The following BMX variants were observed in gnomAD, a reference collection of about 807,000 sequenced individuals.
The protein encoded by BMX is cytoplasmic tyrosine-protein kinase BMX.
BMX carries 31 observed loss-of-function variants against 59.2 expected under a neutral mutation model. The observed-to-expected ratio is 0.52, with a 90% CI of 0.39 to 0.71. The LOEUF is 0.71. Ranked by LOEUF, BMX falls within the 30% of genes least tolerant of loss-of-function variation. The probability of loss-of-function intolerance (pLI) is 0.00; values close to 1 mark genes in which losing one functional copy is unlikely to be tolerated. For synonymous variants in BMX, 185 were observed against 181.0 expected (o/e 1.02, Z -0.18); for missense variants, 474 against 491.7 (o/e 0.96, Z 0.34).
At chrX:15,507,481 C>A in intron 1 of BMX, 3 of 484,116 alleles carry the variant, frequency 6.2e-6, no homozygotes, top group Non-Finnish European at 7.6e-6. Context: ...AATAACGATG[C>A]AATTTCACAA....
intron 7 of BMX, among the ~76,000 whole-genome samples, chrX:15,523,552 G>C (rs912806370): frequency 9.0e-6 from 1 of 111,353 alleles, no homozygotes; most frequent in African/African-American, 3.3e-5. Flanking sequence ...TTCCAAAGTG[G>C]AGCTAGAATC....
chrX:15,536,559 G>A (rs1601654897), intron 13 of BMX, 132 bp downstream of exon 13: 2 of 479,036 alleles, frequency 4.2e-6, no homozygotes, highest in Non-Finnish European at 6.4e-6. Context: ...GATTGTATCA[G>A]GAAGGATTTT....
At chrX:15,555,985 G>T (rs1926417077) in intron 18 of BMX, 88 bp from the exon 19 acceptor site, 2 of 919,001 alleles carry the variant, frequency 2.2e-6, no homozygotes, top group Non-Finnish European at 3.0e-6. Context: ...GCTAGCTTTA[G>T]GACTTAGATG....
chrX:15,518,395 C>A (rs1006046501), intron 6 of BMX, among the ~76,000 whole-genome samples: 2 of 111,524 alleles, frequency 1.8e-5, no homozygotes, highest in African/African-American at 6.5e-5. Context: ...TGAAATGAAA[C>A]TCTATAGGAC....
chrX:15,512,497 T>C (rs1213738405), intron 4 of BMX, among the ~76,000 whole-genome samples: 1 of 111,599 alleles, frequency 9.0e-6, no homozygotes, highest in African/African-American at 3.3e-5. Context: ...CATAAAAAGG[T>C]TTAGCAACCC....
chrX:15,536,449 C>A, intron 13 of BMX, 22 bp downstream of exon 13: 1 of 1,115,806 alleles, frequency 9.0e-7, no homozygotes, highest in South Asian at 2.1e-5. Flanking sequence ...TACTTGGGTT[C>A]TTAAACTCCA....
intron 11 of BMX, among the ~76,000 whole-genome samples, chrX:15,532,133 A>G (rs1925105188): frequency 9.0e-6 from 1 of 111,261 alleles, no homozygotes; most frequent in Admixed American, 9.6e-5. Flanking sequence ...CATAGTAAGC[A>G]CTTAATAAAC....
At chrX:15,533,325 T>C (rs1476813355) in intron 11 of BMX, among the ~76,000 whole-genome samples, 1 of 111,826 alleles carries the variant, frequency 8.9e-6, no homozygotes, top group East Asian at 2.8e-4. Context: ...AGTTATTTTT[T>C]CTGCTCTTCT....
Position 15,527,247 on chromosome X carries a change from A to AAAT in BMX, c.884+1153_884+1154insATA, listed in dbSNP as rs1569224683. On this transcript the variant is annotated intron_variant, in intron 9 of 18. Transcript: ENST00000348343. ...ACAAACACACACACACACACACACA[A>AAAT]ATATATATATATATATATATATATA... Among the ~76,000 whole-genome samples, 131 of 56,310 alleles carry AAAT rather than the reference A, an allele frequency of 2.3e-3. 1 individual carries two copies. The highest frequency in any genetic ancestry group is 3.1e-3 in the Non-Finnish European group (105 of 34,096). 48.9% of individuals were successfully genotyped at this position (56,310 alleles called of 115,157 possible).
chrX:15,549,735 C>T lies in BMX; in HGVS notation c.1796-105C>T, dbSNP rs1569231637. The T allele has an allele frequency of 8.3e-6, 8 of 961,062 alleles. No homozygotes were observed. In the East Asian group the frequency reaches 2.2e-4, roughly 27 times the overall value. 79.2% of individuals were successfully genotyped at this position (961,062 alleles called of 1,213,427 possible). On this transcript the variant is annotated intron_variant, in intron 17 of 18. Transcript: ENST00000348343. ...TTCCCAGGGATCCCTCACTCTGACC[C>T]ATAGCCTTCCTGACCTGTTGTGTGA...
chrX:15,545,456 G>A (rs1159082485), intron 16 of BMX, among the ~76,000 whole-genome samples: 1 of 112,585 alleles, frequency 8.9e-6, no homozygotes, highest in Non-Finnish European at 1.9e-5. Context: ...TAGCCTGCCA[G>A]CACTTGGGAG....
chrX:15,518,508 G>A (rs1030308320), intron 6 of BMX, among the ~76,000 whole-genome samples: 3 of 111,865 alleles, frequency 2.7e-5, no homozygotes, highest in Non-Finnish European at 3.8e-5. Flanking sequence ...AAATTCCATA[G>A]TTTTGCAGTC....
chrX:15,537,143 A>C lies in BMX; in HGVS notation c.1232A>C (p.Glu411Ala). ...DSVSLGNGIW[E>A]LKREEITLLK... Reference sequence around the variant, plus strand: ...CGTCTTGCCTTGTTAGGAATCTGGGAACTGAAAAGAGAAGAGATTACCTTG... The same window carrying C: ...CGTCTTGCCTTGTTAGGAATCTGGGCACTGAAAAGAGAAGAGATTACCTTG... Residue 411 changes from glutamate (E) to alanine (A), a missense_variant, in exon 14 of 19, where the codon GAA becomes GCA. By Grantham distance (107) the Glu-to-Ala change is moderately radical. Coordinates refer to ENST00000348343, the MANE Select transcript of BMX (RefSeq NM_203281.3). The C allele has an allele frequency of 8.3e-7, 1 of 1,210,829 alleles. No individual in the cohort carries two copies. The highest frequency in any genetic ancestry group is 1.1e-6 in the Non-Finnish European group (1 of 895,092).
At chrX:15,554,391 G>A (rs1926331365) in intron 18 of BMX, among the ~76,000 whole-genome samples, 1 of 111,367 alleles carries the variant, frequency 9.0e-6, no homozygotes, top group Non-Finnish European at 1.9e-5. Flanking sequence ...ACGTTTTTAA[G>A]GGTCATTTTG....
At chrX:15,513,331 C>A (rs370363905) in intron 4 of BMX, among the ~76,000 whole-genome samples, 1 of 111,938 alleles carries the variant, frequency 8.9e-6, no homozygotes, top group African/African-American at 3.3e-5. Flanking sequence ...GCTTATGTCA[C>A]ATCATCCAGA....
chrX:15,544,310 C>A (rs1193149546), intron 16 of BMX, among the ~76,000 whole-genome samples: 1 of 110,203 alleles, frequency 9.1e-6, no homozygotes, highest in Admixed American at 9.7e-5. Flanking sequence ...TAAATATTGG[C>A]AAGATGTCCT....
chrX:15,511,656 C>A, intron 4 of BMX, 138 bp downstream of exon 4: 2 of 499,992 alleles, frequency 4.0e-6, no homozygotes, highest in Non-Finnish European at 6.6e-6. Context: ...ATTTTCCTAC[C>A]AACCTCAGGG....
chrX:15,510,505 A>G (rs1406266995), intron 3 of BMX, among the ~76,000 whole-genome samples: 1 of 111,065 alleles, frequency 9.0e-6, no homozygotes, highest in Non-Finnish European at 1.9e-5. Context: ...GCGAGACCTC[A>G]TCTCTACATA....
rs1217863107 is a variant in BMX, at chrX:15,516,161, C to T, written c.375C>T (p.Phe125=). ...TGGTCAAGTACCATAGTGGGTTCTTCGTGGACGGGAAGTTCCTGTGTTGCC... is the reference window on the plus strand; with the variant it reads ...TGGTCAAGTACCATAGTGGGTTCTTTGTGGACGGGAAGTTCCTGTGTTGCC... ...HLLVKYHSGF[F]VDGKFLCCQQ... The change falls in exon 5 of 19, where the codon TTC becomes TTT. Residue 125 remains phenylalanine (F), a synonymous_variant. Transcript: ENST00000348343. 2.5e-6 allele frequency: 3 copies of T among 1,210,023 alleles called. No homozygotes were observed. Among genetic ancestry groups the T allele is most frequent in the African/African-American group, 3.5e-5 (2 of 57,398 alleles).
Sources: allele counts gnomAD v4.1 joint callset (sites outside exome capture counted in the v4.1 genomes callset), GRCh38; gene constraint gnomAD v4.1.1; transcripts MANE v1.5; gene names NCBI Gene and HGNC (gene_info 2026-07-23, HGNC 2026-07-21).